GPR158: variants seen among roughly 807,000 people sequenced by gnomAD.
GPR158 encodes the protein metabotropic glycine receptor.
GPR158 carries 30 observed loss-of-function variants against 78.2 expected under a neutral mutation model. That is an observed-to-expected ratio of 0.38 (90% CI 0.29 to 0.52). GPR158 has a LOEUF of 0.52. GPR158 is among the 20% of genes least tolerant of loss of function. The probability of loss-of-function intolerance (pLI) is 0.83; values close to 1 mark genes in which losing one functional copy is unlikely to be tolerated. For synonymous variants in GPR158, 581 were observed against 591.1 expected (o/e 0.98, Z 0.25); for missense variants, 1,463 against 1,523.5 (o/e 0.96, Z 0.66).
intron 3 of GPR158, among the ~76,000 whole-genome samples, chr10:25,411,471 T>C (rs535294369): frequency 1.7e-4 from 26 of 152,322 alleles, no homozygotes; most frequent in African/African-American, 5.8e-4. Flanking sequence ...AGTCAAAGTC[T>C]CATTTTGGAT....
At chr10:25,297,621 A>C (rs1215672794) in intron 2 of GPR158, among the ~76,000 whole-genome samples, 3 of 152,184 alleles carry the variant, frequency 2.0e-5, no homozygotes, top group South Asian at 4.1e-4. Context: ...CCCATCTCCC[A>C]CGTACGTTGA....
At chr10:25,513,092 T>G (rs1836106262) in intron 5 of GPR158, among the ~76,000 whole-genome samples, 5 of 152,104 alleles carry the variant, frequency 3.3e-5, no homozygotes, top group Admixed American at 3.3e-4. Context: ...TTTGGGATAG[T>G]GTCAATAGGA....
At chr10:25,240,013 G>T (rs184845883) in intron 2 of GPR158, among the ~76,000 whole-genome samples, 1 of 152,262 alleles carries the variant, frequency 6.6e-6, no homozygotes, top group East Asian at 1.9e-4. Context: ...TGGGAAGATA[G>T]AACATCTGTC....
chr10:25,390,940 C>A (rs1834287812), intron 2 of GPR158, among the ~76,000 whole-genome samples: 1 of 152,184 alleles, frequency 6.6e-6, no homozygotes, highest in African/African-American at 2.4e-5. Context: ...GGCTCCCCTG[C>A]TTTGTGCAGT....
chr10:25,311,282 A>G (rs59821382), intron 2 of GPR158, among the ~76,000 whole-genome samples: 30,742 of 151,846 alleles, frequency 0.2, 5,256 homozygotes, highest in African/African-American at 0.47. Flanking sequence ...CCTTTATGAC[A>G]TTGAGCTTTT....
intron 1 of GPR158, among the ~76,000 whole-genome samples, chr10:25,200,868 G>GTTTTTTTTTTT (rs56696555): frequency 1.2e-4 from 14 of 113,296 alleles, no homozygotes; most frequent in East Asian, 2.4e-4. Context: ...TTTTTGTTTT[G>GTTTTTTTTTTT]TTTTTTTTTT....
At chr10:25,317,721 T>TTTTTG (rs1205382690) in intron 2 of GPR158, among the ~76,000 whole-genome samples, 2 of 119,300 alleles carry the variant, frequency 1.7e-5, no homozygotes, top group Admixed American at 1.5e-4. Flanking sequence ...AAAGTGTTTT[T>TTTTTG]TTTTGTTTTG....
intron 2 of GPR158, among the ~76,000 whole-genome samples, chr10:25,335,137 T>G (rs575693217): frequency 1.2e-4 from 18 of 152,242 alleles, no homozygotes; most frequent in African/African-American, 3.4e-4. Flanking sequence ...TGTGATGTTA[T>G]GTTTCTAGAA....
intron 8 of GPR158, among the ~76,000 whole-genome samples, chr10:25,590,436 G>C (rs1211177450): frequency 6.6e-6 from 1 of 152,100 alleles, no homozygotes; most frequent in Non-Finnish European, 1.5e-5. Context: ...CAGCTACTCA[G>C]ACTGGAGTTT....
At chr10:25,353,295 C>G (rs951128635) in intron 2 of GPR158, among the ~76,000 whole-genome samples, 1 of 151,928 alleles carries the variant, frequency 6.6e-6, no homozygotes, top group Admixed American at 6.6e-5. Context: ...TTAATTATTT[C>G]CTACACCTTG....
At chr10:25,367,682 A>C (rs1305529621) in intron 2 of GPR158, among the ~76,000 whole-genome samples, 1 of 151,466 alleles carries the variant, frequency 6.6e-6, no homozygotes, top group Non-Finnish European at 1.5e-5. Flanking sequence ...CTCTTCATTT[A>C]TCACCTTATA....
intron 2 of GPR158, among the ~76,000 whole-genome samples, chr10:25,380,103 A>G (rs192153764): frequency 4.4e-4 from 67 of 152,146 alleles, no homozygotes; most frequent in African/African-American, 1.6e-3. Flanking sequence ...CATTTCACTA[A>G]TATTTATTGA....
intron 5 of GPR158, among the ~76,000 whole-genome samples, chr10:25,483,585 TCTC>T (rs1258446941): frequency 1.3e-5 from 2 of 152,242 alleles, no homozygotes; most frequent in South Asian, 2.1e-4. Context: ...TATTTGCTGT[TCTC>T]CTCACCTCAC....
intron 5 of GPR158, among the ~76,000 whole-genome samples, chr10:25,507,070 G>T (rs1352433557): frequency 6.6e-6 from 1 of 152,168 alleles, no homozygotes; most frequent in Non-Finnish European, 1.5e-5. Flanking sequence ...ATCAGCCAGG[G>T]CCTCTGGTCA....
rs1837459786 is a variant in GPR158, at chr10:25,599,254, T to C, written c.3628T>C (p.Trp1210Arg). 6.2e-7 allele frequency: 1 copy of C among 1,610,834 alleles called. No homozygotes were observed. The highest frequency in any genetic ancestry group is 1.3e-5 in the African/African-American group (1 of 74,800). Residue 1210 changes from tryptophan (W) to arginine (R), a missense_variant, in exon 11 of 11, where the codon TGG (tryptophan) becomes CGG (arginine). Transcript: ENST00000376351. ...KIAGPRKEEI[W>R]DSFKV Reference sequence around the variant, plus strand: ...AGCAGGGCCTAGGAAAGAAGAGATCTGGGATAGTTTTAAAGTGTAGCATCT... The same window carrying C: ...AGCAGGGCCTAGGAAAGAAGAGATCCGGGATAGTTTTAAAGTGTAGCATCT...
chr10:25,512,680 C>T (rs780623523), intron 5 of GPR158, among the ~76,000 whole-genome samples: 1 of 149,804 alleles, frequency 6.7e-6, no homozygotes, highest in African/African-American at 2.5e-5. Flanking sequence ...TCATAGATAG[C>T]TTTTATTACC....
chr10:25,529,227 A>C (rs563153180), intron 5 of GPR158, among the ~76,000 whole-genome samples: 1 of 152,126 alleles, frequency 6.6e-6, no homozygotes, highest in African/African-American at 2.4e-5. Flanking sequence ...CTGTACTAAA[A>C]ATACAAAAAA....
chr10:25,393,915 T>C (rs1303828315), intron 2 of GPR158: 1 of 152,198 alleles, frequency 6.6e-6, no homozygotes, highest in East Asian at 1.9e-4. Context: ...CACGGATTTA[T>C]CTATGATCTT....
intron 5 of GPR158, among the ~76,000 whole-genome samples, chr10:25,548,810 T>C (rs761050335): frequency 4.6e-5 from 7 of 152,190 alleles, no homozygotes; most frequent in African/African-American, 1.7e-4. Context: ...ATTTTAAAAC[T>C]TATACCTCCA....
Sources: allele counts gnomAD v4.1 joint callset (sites outside exome capture counted in the v4.1 genomes callset), GRCh38; gene constraint gnomAD v4.1.1; transcripts MANE v1.5; gene names NCBI Gene and HGNC (gene_info 2026-07-23, HGNC 2026-07-21).